ANKRD30A: variants seen among roughly 807,000 people sequenced by gnomAD.
ANKRD30A encodes the protein ankyrin repeat domain 30A.
A neutral mutation model predicts 166.3 loss-of-function variants in ANKRD30A; 170 were observed. The observed-to-expected ratio is 1.02, with a 90% confidence interval of 0.90 to 1.16. ANKRD30A has a LOEUF of 1.16. Among genes scored for constraint, ANKRD30A ranks in the 50% most tolerant of loss-of-function variants. The pLI is 0.00. For synonymous variants in ANKRD30A, 564 were observed against 508.9 expected (o/e 1.11, Z -1.46); for missense variants, 1,630 against 1,518.0 (o/e 1.07, Z -1.23).
At chr10:37,220,283 G>A (rs949828059) in intron 34 of ANKRD30A, among the ~76,000 whole-genome samples, 2 of 150,658 alleles carry the variant, frequency 1.3e-5, no homozygotes, top group African/African-American at 4.9e-5. Context: ...AGATGAATGG[G>A]AATGCCCGTA....
At chr10:37,240,678 T>G in the ANKRD30A span, among the ~76,000 whole-genome samples, 1 of 152,136 alleles carries the variant, frequency 6.6e-6, no homozygotes, top group South Asian at 2.1e-4. Flanking sequence ...TCCTCCCTTC[T>G]ATCTGACATA....
chr10:37,240,765 A>T, the ANKRD30A span: 1 of 152,130 alleles, frequency 6.6e-6, no homozygotes, highest in Non-Finnish European at 1.5e-5. Context: ...CAAAACCTGG[A>T]TGTCCTATCT....
At chr10:37,253,214 T>C in the ANKRD30A span, among the ~76,000 whole-genome samples, 1 of 152,208 alleles carries the variant, frequency 6.6e-6, no homozygotes, top group Non-Finnish European at 1.5e-5. Flanking sequence ...CTGCATTGTC[T>C]GATAGAACTT....
Position 37,219,246 on chromosome 10 carries a change from C to A in ANKRD30A, c.3534C>A (p.Leu1178=). The change falls in exon 34 of 36, where the codon CTC becomes CTA. Residue 1178 remains leucine, a synonymous_variant. Coordinates refer to ENST00000361713, the MANE Select transcript of ANKRD30A (RefSeq NM_052997.3). ...LKVLIAENTM[L]TSKLKEKQDK... is the part of the protein sequence containing the mutation. Reference sequence around the variant, plus strand: ...TTCTGATAGCTGAGAACACAATGCTCACTTCTAAATTGAAGGAAAAACAAG... The same window carrying A: ...TTCTGATAGCTGAGAACACAATGCTAACTTCTAAATTGAAGGAAAAACAAG... 2 of 1,610,516 alleles carry A rather than the reference C, an allele frequency of 1.2e-6. No individual in the cohort carries two copies. Among genetic ancestry groups the A allele is most frequent in the Non-Finnish European group, 1.7e-6 (2 of 1,177,612 alleles).
At chr10:37,251,196 G>A in the ANKRD30A span, among the ~76,000 whole-genome samples, 2 of 152,140 alleles carry the variant, frequency 1.3e-5, no homozygotes, top group East Asian at 3.9e-4. Flanking sequence ...TTGAGTTGAG[G>A]GGAGTGAAAG....
At chr10:37,258,831 T>C in the ANKRD30A span, among the ~76,000 whole-genome samples, 14 of 151,058 alleles carry the variant, frequency 9.3e-5, no homozygotes, top group African/African-American at 3.4e-4. Context: ...GGCATGGTGG[T>C]GGACACCTGT....
intron 8 of ANKRD30A, among the ~76,000 whole-genome samples, chr10:37,145,966 G>A (rs1205968179): frequency 6.6e-6 from 1 of 152,262 alleles, no homozygotes; most frequent in Admixed American, 6.5e-5. Context: ...TTTACAGATA[G>A]AACTCTTTGA....
At chr10:37,138,056 C>T (rs1230385482) in intron 6 of ANKRD30A, among the ~76,000 whole-genome samples, 1 of 152,194 alleles carries the variant, frequency 6.6e-6, no homozygotes, top group Admixed American at 6.5e-5. Context: ...CAGGCAGCAA[C>T]ATTTGCTGTT....
chr10:37,235,699 T>C (rs1203879422), downstream of ANKRD30A, among the ~76,000 whole-genome samples: 1 of 152,078 alleles, frequency 6.6e-6, no homozygotes, highest in African/African-American at 2.4e-5. Flanking sequence ...TGTTGTGTTG[T>C]TGAAATAGTG....
chr10:37,179,517 AG>A lies in ANKRD30A; in HGVS notation c.2421+3300del, dbSNP rs1472455041. ...TATGGGAATGAATACCCATATTCCA[AG>A]TATATGGGTATGAAAATCAAGGAAT... On this transcript the variant is annotated intron_variant, in intron 24 of 35. Coordinates refer to ENST00000361713, the MANE Select transcript of ANKRD30A (RefSeq NM_052997.3). Among the ~76,000 whole-genome samples the A allele has an allele frequency of 4.0e-5, 6 of 150,854 alleles. 2 individuals carry two copies. Among genetic ancestry groups the A allele is most frequent in the Non-Finnish European group, 8.9e-5 (6 of 67,352 alleles).
chr10:37,145,089 A>T (rs371611794), intron 8 of ANKRD30A, 33 bp downstream of exon 8: 1 of 1,372,970 alleles, frequency 7.3e-7, no homozygotes, highest in Middle Eastern at 2.0e-4. Context: ...TTCTCTAAAA[A>T]TATTAATATT....
the ANKRD30A span, among the ~76,000 whole-genome samples, chr10:37,248,674 T>C: frequency 1.4e-4 from 22 of 151,916 alleles, no homozygotes; most frequent in African/African-American, 5.1e-4. Context: ...ATTGGCTATA[T>C]AGGAACTCAG....
At position 37,162,818 on chromosome 10, in the gene ANKRD30A, G is replaced by A. The variant is rs1400602724; in HGVS notation, c.1972G>A (p.Glu658Lys). ...MQKSVPNKAL[E>K]LKNEQTLRAD... The stretch of plus-strand genomic sequence containing the variant: ...AAAGTCTGTCCCAAATAAAGCCTTG[G>A]AATTGAAAAATGAACAAACATTGAG... The change falls in exon 17 of 36, where the codon GAA becomes AAA. Residue 658 changes from glutamate (E) to lysine (K), a missense_variant. Glu to Lys is a moderately conservative substitution (Grantham distance 56, BLOSUM62 1). Coordinates refer to ENST00000361713, the MANE Select transcript of ANKRD30A (RefSeq NM_052997.3). 5.6e-6 allele frequency: 9 copies of A among 1,613,368 alleles called. No homozygotes were observed. The highest frequency in any genetic ancestry group is 7.6e-6 in the Non-Finnish European group (9 of 1,179,754).
At chr10:37,225,970 T>C (rs1206325037) in intron 34 of ANKRD30A, among the ~76,000 whole-genome samples, 1 of 151,806 alleles carries the variant, frequency 6.6e-6, no homozygotes, top group Admixed American at 6.6e-5. Flanking sequence ...CATTCCTTGC[T>C]CAGTTCTAGG....
rs569406012 is a variant in ANKRD30A at position 37,205,732 on chromosome 10, A to G, written c.2869+4407A>G. Among the ~76,000 whole-genome samples the G allele has an allele frequency of 1.1e-4, 16 of 152,328 alleles. No homozygotes were observed. In the East Asian group the frequency reaches 2.9e-3, roughly 28 times the overall value. On this transcript the variant is annotated intron_variant, in intron 31 of 35. Transcript: ENST00000361713. Reference sequence around the variant, plus strand: ...CATATATGAGCAGCCACACATGTATATATTTTTTCAGTATTGTCTAGAAGG... The same window carrying G: ...CATATATGAGCAGCCACACATGTATGTATTTTTTCAGTATTGTCTAGAAGG...
chr10:37,162,274 G>A (rs374183413), intron 15 of ANKRD30A, among the ~76,000 whole-genome samples: 9 of 152,100 alleles, frequency 5.9e-5, no homozygotes, highest in African/African-American at 1.2e-4. Context: ...GTACCTTTCC[G>A]AAGATAGGCT....
At chr10:37,228,106 T>A (rs957996895) in intron 34 of ANKRD30A, among the ~76,000 whole-genome samples, 7 of 151,950 alleles carry the variant, frequency 4.6e-5, no homozygotes. Context: ...TTCATACATA[T>A]TTTTTGGAAT....
chr10:37,249,917 T>C, the ANKRD30A span, among the ~76,000 whole-genome samples: 1 of 152,140 alleles, frequency 6.6e-6, no homozygotes, highest in African/African-American at 2.4e-5. Flanking sequence ...AGGTGAGTAG[T>C]AGAAGGAAAA....
chr10:37,127,849 G>A (rs1305938528), intron 1 of ANKRD30A, among the ~76,000 whole-genome samples: 1 of 152,028 alleles, frequency 6.6e-6, no homozygotes, highest in Non-Finnish European at 1.5e-5. Flanking sequence ...CAATTTGATG[G>A]TAAGTACCAT....
Sources: allele counts gnomAD v4.1 joint callset (sites outside exome capture counted in the v4.1 genomes callset), GRCh38; gene constraint gnomAD v4.1.1; transcripts MANE v1.5; gene names NCBI Gene and HGNC (gene_info 2026-07-23, HGNC 2026-07-21).